Variants in ZNF718 observed in about 807,000 individuals in gnomAD.
ZNF718 encodes zinc finger protein 718.
In ZNF718, 3 loss-of-function variants were observed where a neutral mutation model predicts 2.6. The observed-to-expected ratio is 1.16, with a 90% CI of 0.53 to 3.01. The LOEUF (loss-of-function observed/expected upper bound fraction) is 3.01. Ranked by LOEUF, ZNF718 falls within the 30% of genes most tolerant of loss-of-function variation. The pLI is 0.03. For synonymous variants in ZNF718, 135 were observed against 77.9 expected (o/e 1.73, Z -3.86); for missense variants, 468 against 230.0 (o/e 2.03, Z -6.69).
At chr4:142,070 C>T (rs782358663) in intron 3 of ZNF718, 4 of 519,914 alleles carry the variant, frequency 7.7e-6, no homozygotes, top group South Asian at 2.8e-5. Context: ...AACAAAATGT[C>T]AGGACTTTGG....
At position 132,842 on chromosome 4, in the gene ZNF718, C is replaced by T. The variant is rs1452968005; in HGVS notation, c.226+1337C>T. The stretch of plus-strand genomic sequence containing the variant: ...GCATGGGTTTCCAACCTTTTGGCTT[C>T]CTTGGACCACATTGGAGGAAAAATT... On this transcript the variant is annotated intron_variant, in intron 3 of 3. Coordinates refer to ENST00000510175, the MANE Select transcript of ZNF718 (RefSeq NM_001039127.6). Among the ~76,000 whole-genome samples, 2 of 101,754 alleles carry T rather than the reference C, an allele frequency of 2.0e-5. 1 individual carries two copies. Among genetic ancestry groups the T allele is most frequent in the Non-Finnish European group, 4.3e-5 (2 of 46,162 alleles). 66.8% of individuals were successfully genotyped at this position (101,754 alleles called of 152,430 possible).
At chr4:153,439 A>G (rs1289663400) in intron 3 of ZNF718, among the ~76,000 whole-genome samples, 1 of 151,880 alleles carries the variant, frequency 6.6e-6, no homozygotes, top group Non-Finnish European at 1.5e-5. Context: ...TGTTTTTTCC[A>G]TTTCTGTGAA....
chr4:166,900 G>T (rs886236205), downstream of ZNF718, among the ~76,000 whole-genome samples: 1 of 147,434 alleles, frequency 6.8e-6, no homozygotes, highest in African/African-American at 2.4e-5. Context: ...CATTGTCTTT[G>T]GTGTTTTAGA....
chr4:151,919 A>G (rs1355388598), intron 3 of ZNF718, among the ~76,000 whole-genome samples: 1 of 151,196 alleles, frequency 6.6e-6, no homozygotes, highest in African/African-American at 2.4e-5. Context: ...GTATTTATTG[A>G]TCATCCGTGG....
chr4:140,444 A>G (rs900558528), intron 3 of ZNF718, among the ~76,000 whole-genome samples: 1 of 152,178 alleles, frequency 6.6e-6, no homozygotes, highest in Non-Finnish European at 1.5e-5. Context: ...TGAATGGAAA[A>G]GTGGAATGGC....
intron 3 of ZNF718, among the ~76,000 whole-genome samples, chr4:137,765 T>G (rs1161277715): frequency 1.3e-5 from 2 of 151,818 alleles, no homozygotes; most frequent in Non-Finnish European, 2.9e-5. Flanking sequence ...TTTTTTTTCT[T>G]ACTCGGGACT....
intron 1 of ZNF718, among the ~76,000 whole-genome samples, chr4:126,674 A>G (rs953284097): frequency 1.5e-5 from 1 of 66,000 alleles, no homozygotes. Flanking sequence ...CAAGTCTTCT[A>G]CTTAAGAACT....
intron 3 of ZNF718, among the ~76,000 whole-genome samples, chr4:136,022 GTCC>G (rs1384737134): frequency 6.6e-6 from 1 of 151,974 alleles, no homozygotes; most frequent in Non-Finnish European, 1.5e-5. Flanking sequence ...CTTTTGTTCT[GTCC>G]TCCTGCTGAT....
At chr4:166,850 G>A (rs930720117), downstream of ZNF718, among the ~76,000 whole-genome samples, 7 of 152,082 alleles carry the variant, frequency 4.6e-5, no homozygotes, top group African/African-American at 1.7e-4. Context: ...AAGCTCTTTA[G>A]TTTAATTAGA....
Position 163,697 on chromosome 4 carries a change from TTGTG to T in ZNF718, c.*1580_*1583del, listed in dbSNP as rs1235569725. 1 of 152,132 alleles carries T rather than the reference TTGTG, an allele frequency of 6.6e-6. No homozygotes were observed. Among genetic ancestry groups the T allele is most frequent in the Admixed American group, 6.6e-5 (1 of 15,266 alleles). The allele number at this position is 152,132 out of a possible 1,614,324, so 9.4% of individuals were successfully genotyped here. ...TAAATTTTAAAATTCTCTTTTAAGA[TTGTG>T]TGTGAACCTTACTCAAGGGTGTAGG... On this transcript the variant is annotated 3_prime_UTR_variant, in exon 4 of 4. Transcript: ENST00000510175.
intron 3 of ZNF718, among the ~76,000 whole-genome samples, chr4:176,478 G>A (rs1717348043): frequency 6.6e-6 from 1 of 152,210 alleles, no homozygotes; most frequent in East Asian, 1.9e-4. Flanking sequence ...TCTTATGGGT[G>A]GGTGCTCTTG....
At chr4:200,292 A>G (rs1717872871) in intron 3 of ZNF718, among the ~76,000 whole-genome samples, 1 of 152,176 alleles carries the variant, frequency 6.6e-6, no homozygotes, top group African/African-American at 2.4e-5. Context: ...AGACAGAGTC[A>G]CGCACTGTAG....
At chr4:144,806 T>C (rs968087523) in intron 3 of ZNF718, among the ~76,000 whole-genome samples, 3 of 152,218 alleles carry the variant, frequency 2.0e-5, no homozygotes, top group Non-Finnish European at 4.4e-5. Flanking sequence ...ATTTTCACAT[T>C]GTTCACTGTT....
At chr4:199,287 C>T (rs1013287220) in intron 3 of ZNF718, among the ~76,000 whole-genome samples, 5 of 152,212 alleles carry the variant, frequency 3.3e-5, no homozygotes, top group African/African-American at 9.7e-5. Flanking sequence ...ACCATCCAGG[C>T]CTGCTTTTAA....
intron 3 of ZNF718, among the ~76,000 whole-genome samples, chr4:194,587 T>G (rs1293922265): frequency 1.3e-5 from 2 of 152,240 alleles, no homozygotes; most frequent in Non-Finnish European, 2.9e-5. Flanking sequence ...TTCTCTCATT[T>G]GGGGTTAGTG....
chr4:150,619 G>A (rs1716274446), intron 3 of ZNF718, among the ~76,000 whole-genome samples: 1 of 151,836 alleles, frequency 6.6e-6, no homozygotes, highest in Admixed American at 6.6e-5. Flanking sequence ...ATTTTGTTGT[G>A]TATCTGTACT....
downstream of ZNF718, among the ~76,000 whole-genome samples, chr4:169,139 CA>C (rs1271027540): frequency 6.6e-6 from 1 of 152,140 alleles, no homozygotes; most frequent in Non-Finnish European, 1.5e-5. Flanking sequence ...GCAGGTTGTT[CA>C]GTTTCCATGT....
intron 3 of ZNF718, among the ~76,000 whole-genome samples, chr4:159,058 A>C (rs1371827208): frequency 4.4e-5 from 6 of 137,238 alleles, no homozygotes; most frequent in Admixed American, 2.3e-4. Flanking sequence ...TTTTTTTGAG[A>C]TGGAGTCTTG....
In ZNF718 at chr4:161,132, C is replaced by A; in HGVS notation, c.447C>A (p.Val149=). 1.3e-6 allele frequency: 1 copy of A among 756,524 alleles called. No homozygotes were observed. Among genetic ancestry groups the A allele is most frequent in the South Asian group, 1.4e-5 (1 of 72,234 alleles). 46.9% of individuals were successfully genotyped at this position (756,524 alleles called of 1,614,324 possible). The part of the protein sequence containing the change: ...QKKTIQSNIC[V]KVFHKFSNSN... Reference sequence around the variant, plus strand: ...AAACAATTCAATCTAATATATGTGTCAAAGTTTTTCATAAATTTTCAAATT... The same window carrying A: ...AAACAATTCAATCTAATATATGTGTAAAAGTTTTTCATAAATTTTCAAATT... Residue 149 remains valine, a synonymous_variant, in exon 4 of 4, where the codon GTC becomes GTA. Coordinates refer to ENST00000510175, the MANE Select transcript of ZNF718 (RefSeq NM_001039127.6).
Sources: gnomAD v4.1 joint callset for allele counts (sites outside exome capture counted in the v4.1 genomes callset) on GRCh38, gnomAD v4.1.1 for gene constraint, MANE v1.5 for transcripts, NCBI Gene and HGNC (gene_info 2026-07-23, HGNC 2026-07-21) for gene names.